Variants in ADAMTS9 observed in about 807,000 individuals in gnomAD.
ADAMTS9 encodes the protein A disintegrin and metalloproteinase with thrombospondin motifs 9.
ADAMTS9 carries 107 observed loss-of-function variants against 257.1 expected under a neutral mutation model. The observed-to-expected ratio is 0.42, with a 90% CI of 0.36 to 0.49. The LOEUF is 0.49. Among genes scored for constraint, ADAMTS9 ranks in the 20% least tolerant of loss-of-function variants. The pLI is 0.03. For missense variants in ADAMTS9, 2,353 were observed against 2,469.1 expected, an observed-to-expected ratio of 0.95 and a Z score of 1.00; for synonymous variants, 982 against 880.9, an observed-to-expected ratio of 1.11 and a Z score of -2.03.
At chr3:64,568,322 T>C in intron 29 of ADAMTS9, 46 bp downstream of exon 29, 1 of 1,567,908 alleles carries the variant, frequency 6.4e-7, no homozygotes, top group African/African-American at 1.4e-5. Flanking sequence ...GTCAGCCACG[T>C]GGCCAAACGT....
At chr3:64,584,770 T>G (rs766809935) in intron 28 of ADAMTS9, among the ~76,000 whole-genome samples, 1 of 152,102 alleles carries the variant, frequency 6.6e-6, no homozygotes, top group African/African-American at 2.4e-5. Flanking sequence ...TCTCTCTATA[T>G]GCTATTATTA....
chr3:64,600,208 G>T (rs1476717353), intron 26 of ADAMTS9, among the ~76,000 whole-genome samples: 4 of 152,040 alleles, frequency 2.6e-5, no homozygotes, highest in Non-Finnish European at 4.4e-5. Flanking sequence ...CGCCTTTTCT[G>T]CCATGGAAGG....
At chr3:64,643,768 T>A (rs890979810) in intron 11 of ADAMTS9, among the ~76,000 whole-genome samples, 3 of 151,990 alleles carry the variant, frequency 2.0e-5, no homozygotes, top group Admixed American at 6.6e-5. Context: ...CCTGGCCTAC[T>A]AATTAGATTT....
At chr3:64,582,845 G>A (rs368106213) in intron 28 of ADAMTS9, 1 of 152,090 alleles carries the variant, frequency 6.6e-6, no homozygotes, top group East Asian at 1.9e-4. Context: ...GAAATTATCA[G>A]GTAAAATGCT....
rs1406750469 is a variant in ADAMTS9 at position 64,633,787 on chromosome 3, C to T, written c.1949G>A (p.Arg650Gln). 2.5e-6 allele frequency: 4 copies of T among 1,613,386 alleles called. No homozygotes were observed. Among genetic ancestry groups the T allele is most frequent in the Admixed American group, 1.7e-5 (1 of 59,936 alleles). Residue 650 changes from arginine (R) to glutamine (Q), a missense_variant, in exon 13 of 40, where the codon CGA becomes CAA. Transcript: ENST00000498707. The part of the protein sequence containing the change: ...EPCLKQKRDF[R>Q]DEQCAHFDGK... ...GTCAAAGTGAGCACACTGTTCATCT[C>T]GGAAGTCTCGCTTCTGCTTGAGACA...
intron 3 of ADAMTS9, among the ~76,000 whole-genome samples, chr3:64,660,130 C>CA (rs1162294768): frequency 2.0e-5 from 3 of 152,248 alleles, no homozygotes; most frequent in Admixed American, 1.3e-4. Context: ...ACAATCAGAT[C>CA]ATAAATGTGC....
At chr3:64,546,638 C>T in intron 32 of ADAMTS9, 120 bp downstream of exon 32, 2 of 1,093,038 alleles carry the variant, frequency 1.8e-6, no homozygotes, top group East Asian at 2.6e-5. Context: ...TTTCAAGTTG[C>T]TAACTCCAGG....
intron 30 of ADAMTS9, among the ~76,000 whole-genome samples, chr3:64,558,105 T>G (rs2106948853): frequency 6.6e-6 from 1 of 152,334 alleles, no homozygotes; most frequent in Admixed American, 6.5e-5. Context: ...GGGAATACAC[T>G]TTGATAGCAA....
intron 16 of ADAMTS9, among the ~76,000 whole-genome samples, 182 bp downstream of exon 16, chr3:64,631,273 C>G (rs1250166738): frequency 3.3e-5 from 5 of 152,212 alleles, no homozygotes; most frequent in Non-Finnish European, 7.3e-5. Context: ...ACTTTTCAAT[C>G]AATACTCTGA....
intron 8 of ADAMTS9, among the ~76,000 whole-genome samples, chr3:64,653,899 A>G (rs11130975): frequency 0.18 from 27,120 of 152,196 alleles, 3,410 homozygotes; most frequent in East Asian, 0.54. Flanking sequence ...TAAATATCAG[A>G]ATTAGAGCAG....
chr3:64,596,500 G>A (rs558140277), intron 27 of ADAMTS9, among the ~76,000 whole-genome samples: 1 of 152,198 alleles, frequency 6.6e-6, no homozygotes, highest in African/African-American at 2.4e-5. Context: ...GAAGAAGAGG[G>A]CAAGACTTCC....
intron 39 of ADAMTS9, among the ~76,000 whole-genome samples, chr3:64,517,429 T>TTTTTTTTTTTTTTTTTTTTTTTTTTTTG (rs1321284198): frequency 5.4e-5 from 7 of 130,662 alleles, no homozygotes; most frequent in Non-Finnish European, 1.0e-4. Context: ...TTTTTTTTTT[T>TTTTTTTTTTTTTTTTTTTTTTTTTTTTG]TTTTTTTTTT....
chr3:64,563,000 A>G (rs2083454238), intron 29 of ADAMTS9: 1 of 152,210 alleles, frequency 6.6e-6, no homozygotes, highest in Admixed American at 6.5e-5. Context: ...GTTCACATCA[A>G]AGCTAGCTGA....
intron 21 of ADAMTS9, chr3:64,615,103 G>A (rs2084736675): frequency 1.4e-5 from 7 of 499,158 alleles, no homozygotes; most frequent in Non-Finnish European, 3.5e-6. Flanking sequence ...GAGTGATCTA[G>A]CCAAGCCCAA....
chr3:64,655,910 G>A, intron 4 of ADAMTS9, 35 bp from the exon 5 acceptor site: 2 of 1,389,934 alleles, frequency 1.4e-6, no homozygotes, highest in Non-Finnish European at 9.8e-7. Flanking sequence ...AGTTAATTGT[G>A]AACTCCGTGT....
At chr3:64,568,642 A>G in intron 28 of ADAMTS9, 107 bp from the exon 29 acceptor site, 1 of 1,331,610 alleles carries the variant, frequency 7.5e-7, no homozygotes, top group Non-Finnish European at 1.0e-6. Context: ...AAGAGTTACC[A>G]TTCCCCTCTT....
intron 11 of ADAMTS9, among the ~76,000 whole-genome samples, chr3:64,643,430 T>C (rs1056852103): frequency 1.2e-4 from 18 of 146,288 alleles, no homozygotes; most frequent in African/African-American, 4.3e-4. Flanking sequence ...GTAGTCAACA[T>C]AACATTACTC....
At chr3:64,642,547 T>C (rs1288395653) in intron 11 of ADAMTS9, among the ~76,000 whole-genome samples, 2 of 152,144 alleles carry the variant, frequency 1.3e-5, no homozygotes, top group African/African-American at 4.8e-5. Flanking sequence ...CCCTAAACTT[T>C]ATGACTTGTT....
intron 16 of ADAMTS9, among the ~76,000 whole-genome samples, chr3:64,626,946 C>T (rs1438743283): frequency 1.3e-5 from 2 of 152,160 alleles, no homozygotes; most frequent in African/African-American, 4.8e-5. Context: ...TCACTGAAGC[C>T]AAGGTTGTTT....
Sources: allele counts gnomAD v4.1 joint callset (sites outside exome capture counted in the v4.1 genomes callset), GRCh38; gene constraint gnomAD v4.1.1; transcripts MANE v1.5; gene names NCBI Gene and HGNC (gene_info 2026-07-23, HGNC 2026-07-21).